FAM168A: variants seen among roughly 807,000 people sequenced by gnomAD.
The protein encoded by FAM168A is family with sequence similarity 168 member A.
A neutral mutation model predicts 28.5 loss-of-function variants in FAM168A; 3 were observed. That is an observed-to-expected ratio of 0.11 (90% CI 0.05 to 0.27). FAM168A has a LOEUF of 0.27. FAM168A is among the 10% of genes least tolerant of loss of function. FAM168A has a pLI of 1.00. For synonymous variants in FAM168A, 122 were observed against 124.2 expected, an observed-to-expected ratio of 0.98 and a Z score of 0.12; for missense variants, 222 against 311.5, an observed-to-expected ratio of 0.71 and a Z score of 2.16.
intron 1 of FAM168A, among the ~76,000 whole-genome samples, chr11:73,556,801 G>A (rs933062654): frequency 6.6e-6 from 1 of 151,808 alleles, no homozygotes; most frequent in Non-Finnish European, 1.5e-5. Flanking sequence ...CAGGAGGATC[G>A]CACAAGGCTA....
chr11:73,454,473 T>C (rs557071023), intron 2 of FAM168A, among the ~76,000 whole-genome samples: 186 of 152,294 alleles, frequency 1.2e-3, no homozygotes, highest in Non-Finnish European at 2.2e-3. Context: ...GCTTGCCTTC[T>C]CAGAAGGCTT....
chr11:73,507,147 C>T (rs1276844900), intron 1 of FAM168A, among the ~76,000 whole-genome samples: 1 of 152,160 alleles, frequency 6.6e-6, no homozygotes, highest in Non-Finnish European at 1.5e-5. Flanking sequence ...CAGTTAGAGA[C>T]TTTTGTTTTT....
chr11:73,543,541 A>G (rs956758094), intron 1 of FAM168A, among the ~76,000 whole-genome samples: 1 of 152,134 alleles, frequency 6.6e-6, no homozygotes, highest in Non-Finnish European at 1.5e-5. Context: ...GATTACAGGC[A>G]TGAGCTACCG....
rs942168432 is a variant in FAM168A at position 73,402,115 on chromosome 11, C to G, written c.*4648G>C. The stretch of plus-strand genomic sequence containing the variant: ...CTCTACTACTGCCCCTCTCTGGATT[C>G]CCAAGCTTGGCAAGCAGCGGGGGCC... On this transcript the variant is annotated 3_prime_UTR_variant, in exon 8 of 8. Coordinates refer to ENST00000356467, the MANE Select transcript of FAM168A (RefSeq NM_015159.3). 7.2e-5 allele frequency: 11 copies of G among 152,216 alleles called. No homozygotes were observed. Among genetic ancestry groups the G allele is most frequent in the African/African-American group, 2.7e-4 (11 of 41,450 alleles). The allele number at this position is 152,216 out of a possible 1,614,324, so 9.4% of individuals were successfully genotyped here. A position where few individuals can be genotyped will look rare whatever the true frequency, so the allele number is the denominator to read the frequency against.
At chr11:73,458,014 G>C (rs2039769779) in intron 2 of FAM168A, among the ~76,000 whole-genome samples, 1 of 152,070 alleles carries the variant, frequency 6.6e-6, no homozygotes, top group Non-Finnish European at 1.5e-5. Flanking sequence ...ACAGTAATTA[G>C]TGGTAGTTAT....
At chr11:73,424,958 A>G (rs1458962774) in intron 3 of FAM168A, 2 of 1,344,230 alleles carry the variant, frequency 1.5e-6, no homozygotes, top group Non-Finnish European at 1.0e-6. Context: ...GAGGGGATCT[A>G]CCATTGTTAC....
At chr11:73,517,909 CA>C (rs945880226) in intron 1 of FAM168A, among the ~76,000 whole-genome samples, 1 of 150,572 alleles carries the variant, frequency 6.6e-6, no homozygotes. Flanking sequence ...AATGTCTATT[CA>C]AAAAAAAAGG....
chr11:73,490,620 A>G (rs1346355610), intron 1 of FAM168A, among the ~76,000 whole-genome samples: 1 of 152,118 alleles, frequency 6.6e-6, no homozygotes, highest in Non-Finnish European at 1.5e-5. Context: ...TTTGGCATCT[A>G]TTCTCTCTGC....
At chr11:73,484,570 CTATA>C (rs1288707888) in intron 1 of FAM168A, among the ~76,000 whole-genome samples, 4 of 144,184 alleles carry the variant, frequency 2.8e-5, no homozygotes, top group African/African-American at 2.6e-5. Flanking sequence ...ATCTATATAT[CTATA>C]TATCGATATC....
intron 1 of FAM168A, among the ~76,000 whole-genome samples, chr11:73,588,030 G>A (rs998238881): frequency 2.6e-5 from 4 of 152,024 alleles, no homozygotes; most frequent in Non-Finnish European, 5.9e-5. Context: ...GATTACAGAC[G>A]TGAGCCACCG....
intron 1 of FAM168A, among the ~76,000 whole-genome samples, chr11:73,494,834 T>C (rs1854837444): frequency 6.6e-6 from 1 of 152,044 alleles, no homozygotes; most frequent in Non-Finnish European, 1.5e-5. Flanking sequence ...ACCCCATCTC[T>C]ACTAAAAATA....
intron 1 of FAM168A, among the ~76,000 whole-genome samples, chr11:73,594,916 C>T (rs12279375): frequency 0.029 from 4,491 of 152,270 alleles, 218 homozygotes; most frequent in African/African-American, 0.1. Context: ...AACTCCTAAA[C>T]TCATGGGCTA....
chr11:73,528,860 T>C (rs564017417), intron 1 of FAM168A, among the ~76,000 whole-genome samples: 8 of 151,920 alleles, frequency 5.3e-5, no homozygotes, highest in African/African-American at 1.9e-4. Context: ...CCTCATAAAT[T>C]TTGCTTCCTA....
At chr11:73,498,151 T>C (rs1358666768) in intron 1 of FAM168A, among the ~76,000 whole-genome samples, 1 of 152,050 alleles carries the variant, frequency 6.6e-6, no homozygotes, top group East Asian at 1.9e-4. Context: ...GCAGTGGCGT[T>C]TGGAGGCTCC....
At chr11:73,511,175 A>G (rs1855217143) in intron 1 of FAM168A, among the ~76,000 whole-genome samples, 1 of 151,180 alleles carries the variant, frequency 6.6e-6, no homozygotes, top group Non-Finnish European at 1.5e-5. Context: ...CTCAATTGTC[A>G]GGTTTTTTTT....
intron 1 of FAM168A, among the ~76,000 whole-genome samples, chr11:73,489,398 G>A (rs1868097934): frequency 6.6e-6 from 1 of 151,916 alleles, no homozygotes; most frequent in African/African-American, 2.4e-5. Context: ...AGTCACCAGT[G>A]ACCTCCACTA....
chr11:73,520,217 T>C (rs1943358693), intron 1 of FAM168A, among the ~76,000 whole-genome samples: 1 of 151,834 alleles, frequency 6.6e-6, no homozygotes, highest in African/African-American at 2.4e-5. Context: ...AGCTAATTTT[T>C]TTTTTTATTT....
Position 73,407,571 on chromosome 11 carries a change from T to C in FAM168A, c.668A>G (p.Gln223Arg), listed in dbSNP as rs371613362. 2 of 1,607,924 alleles carry C rather than the reference T, an allele frequency of 1.2e-6. No individual in the cohort carries two copies. Among genetic ancestry groups the C allele is most frequent in the African/African-American group, 1.3e-5 (1 of 74,540 alleles). Residue 223 changes from glutamine to arginine, a missense_variant, in exon 7 of 8, where the codon CAA (glutamine) becomes CGA (arginine). Coordinates refer to ENST00000356467, the MANE Select transcript of FAM168A (RefSeq NM_015159.3). The stretch of plus-strand genomic sequence containing the variant: ...CACGTAGCTGTACGCAGGGGTTCCT[T>C]GGGCCCTATATGTTGGCATGGAGAC... ...HPVSMPTYRAQGTPAYSYVPP... is the reference protein window; with the variant it reads ...HPVSMPTYRARGTPAYSYVPP...
intron 1 of FAM168A, among the ~76,000 whole-genome samples, chr11:73,596,249 A>G (rs576445441): frequency 6.6e-6 from 1 of 152,226 alleles, no homozygotes; most frequent in African/African-American, 2.4e-5. Context: ...AAATCTATTT[A>G]AATTTCAAAA....
Sources: gnomAD v4.1 joint callset for allele counts (sites outside exome capture counted in the v4.1 genomes callset) on GRCh38, gnomAD v4.1.1 for gene constraint, MANE v1.5 for transcripts, NCBI Gene and HGNC (gene_info 2026-07-23, HGNC 2026-07-21) for gene names.